The following DOCK8 variants were observed in gnomAD, a reference collection of about 807,000 sequenced individuals.
DOCK8 encodes dedicator of cytokinesis protein 8.
A neutral mutation model predicts 245.6 loss-of-function variants in DOCK8; 141 were observed. That is an observed-to-expected ratio of 0.57 (90% CI 0.50 to 0.66). The LOEUF (loss-of-function observed/expected upper bound fraction) is 0.66, where lower values mean the gene tolerates loss of function less well. Among genes scored for constraint, DOCK8 ranks in the 30% least tolerant of loss-of-function variants. The pLI is 0.00. For synonymous variants in DOCK8, 1,168 were observed against 970.2 expected (o/e 1.20, Z -3.79); for missense variants, 2,965 against 2,603.4 (o/e 1.14, Z -3.02).
chr9:448,287 G>A (rs1180947719), intron 44 of DOCK8, among the ~76,000 whole-genome samples: 1 of 152,092 alleles, frequency 6.6e-6, no homozygotes, highest in African/African-American at 2.4e-5. Flanking sequence ...TATATATTTT[G>A]TAAGAGACAG....
rs1271445388 is a variant in DOCK8, at chr9:446,504, T to C, written c.5715T>C (p.Pro1905=). The change falls in exon 44 of 48, where the codon CCT becomes CCC. Residue 1905 remains proline (P), a synonymous_variant. Coordinates refer to ENST00000432829, the MANE Select transcript of DOCK8 (RefSeq NM_203447.4). Reference sequence around the variant, plus strand: ...CCCCGTTCACCCTGGAGGGGCGGCCTCGGGGAGAGCTGCATGAGCAGTACA... The same window carrying C: ...CCCCGTTCACCCTGGAGGGGCGGCCCCGGGGAGAGCTGCATGAGCAGTACA... ...YTTPFTLEGR[P]RGELHEQYRR... is the part of the protein sequence containing the mutation. 6.2e-7 allele frequency: 1 copy of C among 1,614,212 alleles called. No individual in the cohort carries two copies.
intron 13 of DOCK8, among the ~76,000 whole-genome samples, 168 bp from the exon 14 acceptor site, chr9:339,991 T>C (rs2051499689): frequency 6.6e-6 from 1 of 152,240 alleles, no homozygotes; most frequent in South Asian, 2.1e-4. Flanking sequence ...ATCTCGAAAG[T>C]TATCATGACA....
At chr9:428,037 T>C (rs1190764140) in intron 34 of DOCK8, among the ~76,000 whole-genome samples, 1 of 152,190 alleles carries the variant, frequency 6.6e-6, no homozygotes, top group East Asian at 1.9e-4. Context: ...GTGTTTTGCA[T>C]CCCATAAGGA....
intron 8 of DOCK8, among the ~76,000 whole-genome samples, chr9:327,486 C>T (rs754764875): frequency 1.3e-4 from 20 of 151,794 alleles, no homozygotes; most frequent in Non-Finnish European, 2.5e-4. Flanking sequence ...CTCTGCCTCC[C>T]GGGTTCAAGT....
chr9:304,346 G>A (rs2049706877), intron 4 of DOCK8, among the ~76,000 whole-genome samples: 2 of 152,100 alleles, frequency 1.3e-5, no homozygotes, highest in African/African-American at 4.8e-5. Flanking sequence ...CATTTTCCCA[G>A]GCCATGCCTC....
At chr9:344,470 C>G (rs961643891) in intron 14 of DOCK8, among the ~76,000 whole-genome samples, 2 of 152,078 alleles carry the variant, frequency 1.3e-5, no homozygotes, top group Non-Finnish European at 2.9e-5. Flanking sequence ...TCCTGCACCT[C>G]CCCCCATTCA....
intron 28 of DOCK8, among the ~76,000 whole-genome samples, chr9:410,725 C>T (rs1272114965): frequency 6.6e-6 from 1 of 151,840 alleles, no homozygotes; most frequent in East Asian, 1.9e-4. Context: ...AAGGTGATAG[C>T]CAAAATAAAT....
At chr9:331,490 T>G (rs10813766) in intron 9 of DOCK8, among the ~76,000 whole-genome samples, 97,411 of 152,120 alleles carry the variant, frequency 0.64, 31,363 homozygotes, top group South Asian at 0.76. Context: ...TGTGCCTAAC[T>G]CACAGCACCT....
chr9:336,706 C>T lies in DOCK8; in HGVS notation c.1410C>T (p.Ser470=). 1.9e-6 allele frequency: 3 copies of T among 1,613,980 alleles called. No homozygotes were observed. Among genetic ancestry groups the T allele is most frequent in the Non-Finnish European group, 2.5e-6 (3 of 1,179,934 alleles). The change falls in exon 12 of 48, where the codon AGC becomes AGT. Residue 470 remains serine, a synonymous_variant. Transcript: ENST00000432829. The stretch of plus-strand genomic sequence containing the variant: ...AAACCTCCACTCTGAGCGTTAGCAG[C>T]TTTTTCAAGCAGGTATCTCTTCACA... ...NFKTSTLSVS[S]FFKQEGDRLS... is the part of the protein sequence containing the mutation.
intron 27 of DOCK8, 172 bp downstream of exon 27, chr9:405,245 A>T: frequency 1.4e-6 from 1 of 704,936 alleles, no homozygotes; most frequent in Non-Finnish European, 2.3e-6. Context: ...CTAAGAATTA[A>T]CAATCTAAGT....
chr9:296,674 A>C (rs748452451), intron 4 of DOCK8, among the ~76,000 whole-genome samples: 1 of 152,244 alleles, frequency 6.6e-6, no homozygotes, highest in Non-Finnish European at 1.5e-5. Flanking sequence ...TCCCTGATCA[A>C]TAATTGCTTA....
At position 304,568 on chromosome 9, in the gene DOCK8, T is replaced by C. The variant is rs779733278; in HGVS notation, c.405-13T>C. The C allele has an allele frequency of 7.4e-6, 12 of 1,613,910 alleles. No homozygotes were observed. The highest frequency in any genetic ancestry group is 2.2e-5 in the East Asian group (1 of 44,896). On this transcript the variant is annotated splice_polypyrimidine_tract_variant and intron_variant, in intron 4 of 47. Transcript: ENST00000432829. ...CCTCTTTCTCTCTCCAAATTAAATA[T>C]CAACCATAAAAGAAACCAAGGAAGT...
Position 386,292 on chromosome 9 carries a change from T to C in DOCK8, c.2779-39T>C, listed in dbSNP as rs758377247. On this transcript the variant is annotated intron_variant, in intron 22 of 47. Transcript: ENST00000432829. ...TCCAGATGTCTGGCTTACCTTTCCA[T>C]GGTTGGTTGACTGTTAAGCCATGGT... is the stretch of plus-strand genomic sequence containing the variant. The C allele has an allele frequency of 8.3e-6, 13 of 1,559,156 alleles. No individual in the cohort carries two copies. In the South Asian group the frequency reaches 1.3e-4, roughly 16 times the overall value.
At chr9:432,901 T>C (rs2056769738) in intron 37 of DOCK8, among the ~76,000 whole-genome samples, 1 of 152,226 alleles carries the variant, frequency 6.6e-6, no homozygotes, top group South Asian at 2.1e-4. Flanking sequence ...ATCTCTTCCA[T>C]GTCCATTACG....
At chr9:462,284 C>G (rs570083802) in intron 46 of DOCK8, among the ~76,000 whole-genome samples, 13 of 152,140 alleles carry the variant, frequency 8.5e-5, no homozygotes, top group African/African-American at 2.9e-4. Context: ...AAGTTATTTT[C>G]TCACCTTGAA....
chr9:379,942 T>G lies in DOCK8; in HGVS notation c.2605+7T>G, dbSNP rs1199522442. On this transcript the variant is annotated splice_region_variant and intron_variant, in intron 21 of 47. Coordinates refer to ENST00000432829, the MANE Select transcript of DOCK8 (RefSeq NM_203447.4). ...AGGGATGTGCCCAAGTCAGGTAGAG[T>G]TGCCCTGAGTGTGGGACTCTGGTGG... 1 of 1,613,376 alleles carries G rather than the reference T, an allele frequency of 6.2e-7. No individual in the cohort carries two copies. Among genetic ancestry groups the G allele is most frequent in the Non-Finnish European group, 8.5e-7 (1 of 1,179,854 alleles).
At chr9:344,376 T>C (rs1462928509) in intron 14 of DOCK8, among the ~76,000 whole-genome samples, 2 of 152,338 alleles carry the variant, frequency 1.3e-5, no homozygotes, top group South Asian at 2.1e-4. Context: ...ATTTTTAGTG[T>C]TCTTCTCCAG....
chr9:286,462 C>T lies in DOCK8; in HGVS notation c.158C>T (p.Pro53Leu), dbSNP rs777781052. 1 of 1,613,796 alleles carries T rather than the reference C, an allele frequency of 6.2e-7. No homozygotes were observed. The highest frequency in any genetic ancestry group is 1.1e-5 in the South Asian group (1 of 91,064). The change falls in exon 3 of 48, where the codon CCT becomes CTT. Residue 53 changes from proline (P) to leucine (L), a missense_variant and splice_region_variant. This residue lies in a region of DOCK8 where 2,825 missense variants were observed against 2,453.5 expected (regional missense o/e 1.15). Coordinates refer to ENST00000432829, the MANE Select transcript of DOCK8 (RefSeq NM_203447.4). ...STSGFPSLQLPQFYDPVEPVD... is the reference protein window; with the variant it reads ...STSGFPSLQLLQFYDPVEPVD... ...TTTTCCTTTTCCCTGCCCCTCCAGCCTCAGTTTTATGACCCTGTGGAGCCA... is the reference window on the plus strand; with the variant it reads ...TTTTCCTTTTCCCTGCCCCTCCAGCTTCAGTTTTATGACCCTGTGGAGCCA...
At chr9:371,285 TC>T (rs1393373562) in intron 16 of DOCK8, 142 bp from the exon 17 acceptor site, 4 of 915,042 alleles carry the variant, frequency 4.4e-6, no homozygotes, top group African/African-American at 1.7e-5. Flanking sequence ...CTCAGGGACT[TC>T]CAGCTTCAGA....
Sources: allele counts gnomAD v4.1 joint callset (sites outside exome capture counted in the v4.1 genomes callset), GRCh38; gene constraint gnomAD v4.1.1; regional missense constraint gnomAD v4.1.1; transcripts MANE v1.5; gene names NCBI Gene and HGNC (gene_info 2026-07-23, HGNC 2026-07-21).